Variants in FANCA observed in about 807,000 individuals in gnomAD.
The protein encoded by FANCA is FA complementation group A.
Under a neutral mutation model 194.3 loss-of-function variants are expected in FANCA, and 236 were observed. The ratio of observed to expected loss-of-function variants is 1.21; its 90% confidence interval spans 1.09 to 1.35. The LOEUF (loss-of-function observed/expected upper bound fraction) is 1.35, where lower values mean the gene tolerates loss of function less well. Ranked by LOEUF, FANCA falls within the 40% of genes most tolerant of loss-of-function variation. The probability of loss-of-function intolerance (pLI) is 0.00; values close to 1 mark genes in which losing one functional copy is unlikely to be tolerated. For missense variants in FANCA, 2,628 were observed against 1,813.9 expected (o/e 1.45, Z -8.15); for synonymous variants, 1,014 against 715.8 (o/e 1.42, Z -6.65).
chr16:89,798,158 C>G (rs999500918), intron 10 of FANCA, among the ~76,000 whole-genome samples: 3 of 152,140 alleles, frequency 2.0e-5, no homozygotes, highest in Non-Finnish European at 4.4e-5. Flanking sequence ...TTGCTCTCCC[C>G]TCTCTACCTC....
chr16:89,750,381 G>C (rs904537699), intron 31 of FANCA, among the ~76,000 whole-genome samples: 1 of 152,176 alleles, frequency 6.6e-6, no homozygotes, highest in African/African-American at 2.4e-5. Context: ...GACTCAGGCG[G>C]CTGAGGCAGG....
chr16:89,804,899 T>C (rs370078245), intron 7 of FANCA, among the ~76,000 whole-genome samples: 1 of 151,668 alleles, frequency 6.6e-6, no homozygotes, highest in Non-Finnish European at 1.5e-5. Flanking sequence ...TAGCCGGGCA[T>C]GGTGCCACGT....
chr16:89,816,540 G>A lies in FANCA; in HGVS notation c.76C>T (p.Leu26=), dbSNP rs2041137276. The A allele has an allele frequency of 6.7e-7, 1 of 1,497,204 alleles. No individual in the cohort carries two copies. Among genetic ancestry groups the A allele is most frequent in the Non-Finnish European group, 8.8e-7 (1 of 1,130,378 alleles). 92.7% of individuals were successfully genotyped at this position (1,497,204 alleles called of 1,614,324 possible). ...GCGGCCTGCCGCGCCCACCTACCCA[G>A]CAGCTCGGCCCAGGCCCTCCGGCGG... ...GGRRRAWAEL[L]AGRVKREKYN... Residue 26 remains leucine, a synonymous_variant, in exon 1 of 43, where the codon CTG becomes TTG. Coordinates refer to ENST00000389301, the MANE Select transcript of FANCA (RefSeq NM_000135.4).
intron 3 of FANCA, among the ~76,000 whole-genome samples, chr16:89,811,903 T>C (rs1460955636): frequency 6.6e-6 from 1 of 151,790 alleles, no homozygotes; most frequent in Non-Finnish European, 1.5e-5. Context: ...GTTAATTTTT[T>C]GTATTTTTAG....
intron 27 of FANCA, 125 bp downstream of exon 27, chr16:89,767,016 G>T: frequency 2.5e-6 from 2 of 806,220 alleles, no homozygotes; most frequent in African/African-American, 1.7e-5. Context: ...ATGACAGCCA[G>T]CCTGACCCAG....
rs1403770430 is a variant in FANCA at position 89,749,750 on chromosome 16, CCT to C, written c.3217_3218del (p.Arg1073GlyfsTer42). On this transcript the variant is annotated frameshift_variant, in exon 32 of 43. Coordinates refer to ENST00000389301, the MANE Select transcript of FANCA (RefSeq NM_000135.4). LOFTEE classifies it high-confidence loss of function. ...WSVAASLQRQ[R>X]ELLMYKRILL... The stretch of plus-strand genomic sequence containing the variant: ...GTTACCGTTTGTACATTAGCAGCTC[CCT>C]CTGTCTCTGAAGGCTGGCAGCCACG... 1 of 1,614,126 alleles carries C rather than the reference CCT, an allele frequency of 6.2e-7. No homozygotes were observed. The highest frequency in any genetic ancestry group is 1.3e-5 in the African/African-American group (1 of 75,064).
In FANCA at chr16:89,782,380, C is replaced by T. The variant is rs188050447; in HGVS notation, c.1626+479G>A. Reference sequence around the variant, plus strand: ...CAAAAAAATTAGCCAGGCGTGGTGGCGGCTCCTGTAGTCCCAGCTACTCTG... The same window carrying T: ...CAAAAAAATTAGCCAGGCGTGGTGGTGGCTCCTGTAGTCCCAGCTACTCTG... On this transcript the variant is annotated intron_variant, in intron 17 of 42. Coordinates refer to ENST00000389301, the MANE Select transcript of FANCA (RefSeq NM_000135.4). Among the ~76,000 whole-genome samples, 53 of 151,536 alleles carry T rather than the reference C, an allele frequency of 3.5e-4. No homozygotes were observed. The East Asian group carries it at 4.5e-3, about 13-fold the overall frequency.
chr16:89,772,662 A>G (rs888163276), intron 22 of FANCA, among the ~76,000 whole-genome samples: 1 of 152,008 alleles, frequency 6.6e-6, no homozygotes, highest in African/African-American at 2.4e-5. Context: ...ACTAAAAAAT[A>G]CAAAAAATTA....
intron 30 of FANCA, among the ~76,000 whole-genome samples, chr16:89,753,750 G>A (rs2038676298): frequency 6.6e-6 from 1 of 152,114 alleles, no homozygotes; most frequent in Non-Finnish European, 1.5e-5. Flanking sequence ...CAGTGTCGCT[G>A]CCTCTACTCA....
At position 89,805,286 on chromosome 16, in the gene FANCA, G is replaced by A. The variant is rs1316244239; in HGVS notation, c.703C>T (p.Leu235Phe). 3.1e-6 allele frequency: 5 copies of A among 1,613,052 alleles called. No individual in the cohort carries two copies. Among genetic ancestry groups the A allele is most frequent in the Non-Finnish European group, 4.2e-6 (5 of 1,179,192 alleles). The part of the protein sequence containing the change: ...CQHADVARAM[L>F]SDFVQMFVLR... The stretch of plus-strand genomic sequence containing the variant: ...CATCTTGTCATGAACGCACCAGAAA[G>A]CATGGCCCTGGCGACGTCAGCATGC... Residue 235 changes from leucine to phenylalanine, a missense_variant, in exon 7 of 43, where the codon CTT becomes TTT. By Grantham distance (22) the Leu-to-Phe change is conservative (BLOSUM62 0). Transcript: ENST00000389301.
chr16:89,791,818 G>T, intron 13 of FANCA, 109 bp downstream of exon 13: 1 of 1,415,418 alleles, frequency 7.1e-7, no homozygotes, highest in Non-Finnish European at 9.9e-7. Flanking sequence ...GTTCCGGGCA[G>T]GTAGGGAAGG....
At chr16:89,750,624 T>C (rs2038555495) in intron 31 of FANCA, among the ~76,000 whole-genome samples, 1 of 151,232 alleles carries the variant, frequency 6.6e-6, no homozygotes, top group Non-Finnish European at 1.5e-5. Flanking sequence ...CATACAAAAA[T>C]TAGCTGGGTG....
At chr16:89,774,396 G>A (rs532055073) in intron 21 of FANCA, among the ~76,000 whole-genome samples, 3 of 152,180 alleles carry the variant, frequency 2.0e-5, no homozygotes, top group South Asian at 4.1e-4. Context: ...ACAGCCCTGA[G>A]GCCCCTGTGG....
At chr16:89,738,822 C>G in intron 42 of FANCA, 60 bp downstream of exon 42, 2 of 1,614,044 alleles carry the variant, frequency 1.2e-6, no homozygotes, top group Non-Finnish European at 1.7e-6. Context: ...GGCACATGGC[C>G]CAGGCAGCTG....
At chr16:89,755,786 G>C (rs192516510) in intron 30 of FANCA, among the ~76,000 whole-genome samples, 1 of 152,276 alleles carries the variant, frequency 6.6e-6, no homozygotes, top group East Asian at 1.9e-4. Flanking sequence ...TCTTTAGGTG[G>C]TTTCATCACG....
intron 5 of FANCA, among the ~76,000 whole-genome samples, chr16:89,809,770 G>A (rs1484668015): frequency 6.6e-6 from 1 of 151,828 alleles, no homozygotes; most frequent in East Asian, 1.9e-4. Context: ...GGAGAATGGC[G>A]TGAACCCGGG....
In FANCA at chr16:89,738,250, C is replaced by T. The variant is rs776319997; in HGVS notation, c.*351G>A. 69 of 1,594,442 alleles carry T rather than the reference C, an allele frequency of 4.3e-5. 1 individual carries two copies. The highest frequency in any genetic ancestry group is 2.1e-4 in the South Asian group (19 of 88,984). ...GGTGAAGCCCGAACCCACCTGAGGA[C>T]GGCAGTGAGGATGAGCACCTCTAGC... On this transcript the variant is annotated 3_prime_UTR_variant, in exon 43 of 43. Transcript: ENST00000389301.
intron 30 of FANCA, among the ~76,000 whole-genome samples, chr16:89,757,815 G>A (rs2038814772): frequency 6.6e-6 from 1 of 152,164 alleles, no homozygotes; most frequent in Non-Finnish European, 1.5e-5. Flanking sequence ...GGCCATTTGT[G>A]CCGTGCTTCA....
chr16:89,780,676 C>A (rs1169338478), intron 17 of FANCA, among the ~76,000 whole-genome samples: 3 of 151,506 alleles, frequency 2.0e-5, no homozygotes, highest in Non-Finnish European at 4.4e-5. Flanking sequence ...CATCTGTAAT[C>A]CCAGCATTTT....
Sources: allele counts gnomAD v4.1 joint callset (sites outside exome capture counted in the v4.1 genomes callset), GRCh38; gene constraint gnomAD v4.1.1; transcripts MANE v1.5; gene names NCBI Gene and HGNC (gene_info 2026-07-23, HGNC 2026-07-21).